The following API5 variants were observed in gnomAD, a reference collection of about 807,000 sequenced individuals.
API5 encodes FIF.
A neutral mutation model predicts 71.9 loss-of-function variants in API5; 6 were observed. The observed-to-expected ratio is 0.08, with a 90% CI of 0.05 to 0.16. API5 has a LOEUF of 0.16. Ranked by LOEUF, API5 falls within the 10% of genes least tolerant of loss-of-function variation. API5 has a pLI of 1.00. For missense variants in API5, 332 were observed against 612.8 expected (o/e 0.54, Z 4.84); for synonymous variants, 189 against 221.3 (o/e 0.85, Z 1.30).
chr11:43,335,797 G>A, intron 12 of API5, 61 bp from the exon 13 acceptor site: 1 of 1,511,156 alleles, frequency 6.6e-7, no homozygotes, highest in African/African-American at 1.4e-5. Flanking sequence ...AATTATAAAT[G>A]TATTGATAGC....
chr11:43,330,026 G>T lies in API5; in HGVS notation c.1189G>T (p.Gly397Cys), dbSNP rs778751728. ...YIRQLRLALQ[G>C]KTGEALKTEE... ...CAGACAACTTCGCTTAGCTCTCCAG[G>T]GTAAAACGGGTGAGGCCTTAAAAAC... The change falls in exon 10 of 14, where the codon GGT (glycine) becomes TGT (cysteine). Residue 397 changes from glycine (G) to cysteine (C), a missense_variant. By Grantham distance (159) the Gly-to-Cys change is radical. Transcript: ENST00000531273. 10 of 1,613,758 alleles carry T rather than the reference G, an allele frequency of 6.2e-6. No individual in the cohort carries two copies. The South Asian group carries it at 1.1e-4, about 18-fold the overall frequency.
At chr11:43,337,049 C>T (rs1855459951) in intron 13 of API5, among the ~76,000 whole-genome samples, 1 of 149,576 alleles carries the variant, frequency 6.7e-6, no homozygotes, top group Non-Finnish European at 1.5e-5. Context: ...TTTAGGCAGG[C>T]ATGGTAGCTC....
intron 6 of API5, among the ~76,000 whole-genome samples, chr11:43,325,972 C>T (rs566795086): frequency 6.6e-6 from 1 of 152,304 alleles, no homozygotes; most frequent in African/African-American, 2.4e-5. Flanking sequence ...CACCAGAGTT[C>T]TCCACCGCCA....
rs1239823017 is a variant in API5 at position 43,328,996 on chromosome 11, AC to A, written c.1127+107del. The A allele has an allele frequency of 5.1e-6, 6 of 1,170,794 alleles. No homozygotes were observed. The African/African-American group carries it at 6.2e-5, about 12-fold the overall frequency. 72.5% of individuals were successfully genotyped at this position (1,170,794 alleles called of 1,614,324 possible). On this transcript the variant is annotated intron_variant, in intron 9 of 13. Coordinates refer to ENST00000531273, the MANE Select transcript of API5 (RefSeq NM_001142930.2). Reference sequence around the variant, plus strand: ...CTATGAGAGCTCCCCATCCTGCCTTACCCCAGTGATACAGATTGGAGGGTTC... The same window carrying A: ...CTATGAGAGCTCCCCATCCTGCCTTACCCAGTGATACAGATTGGAGGGTTC...
chr11:43,322,219 G>A, intron 5 of API5, 83 bp downstream of exon 5: 1 of 1,320,132 alleles, frequency 7.6e-7, no homozygotes, highest in Non-Finnish European at 1.0e-6. Flanking sequence ...AATGTTATGT[G>A]TGGCTTGTGT....
At chr11:43,334,777 C>T (rs1338420308) in intron 11 of API5, among the ~76,000 whole-genome samples, 2 of 151,980 alleles carry the variant, frequency 1.3e-5, no homozygotes, top group African/African-American at 2.4e-5. Flanking sequence ...TCATAGGGCA[C>T]GGGGAAACAT....
intron 8 of API5, among the ~76,000 whole-genome samples, chr11:43,328,202 C>T (rs190508298): frequency 5.6e-4 from 86 of 152,294 alleles, no homozygotes; most frequent in African/African-American, 1.9e-3. Flanking sequence ...ATCTGGCACT[C>T]GTCCAGATGT....
Position 43,312,004 on chromosome 11 carries a change from C to A in API5, c.-124C>A. The A allele has an allele frequency of 1.8e-6, 2 of 1,104,294 alleles. No individual in the cohort carries two copies. The highest frequency in any genetic ancestry group is 2.6e-6 in the Non-Finnish European group (2 of 763,098). 68.4% of individuals were successfully genotyped at this position (1,104,294 alleles called of 1,614,324 possible). A position where few individuals can be genotyped will look rare whatever the true frequency, so the allele number is the denominator to read the frequency against. On this transcript the variant is annotated 5_prime_UTR_variant, in exon 1 of 14. Coordinates refer to ENST00000531273, the MANE Select transcript of API5 (RefSeq NM_001142930.2). ...CAGCCGCGCTGTGCGCGGTGACTGG[C>A]GGCTGCACTGGCGGCAGCTGGAGGT...
chr11:43,328,427 A>C (rs1000011936), intron 8 of API5, among the ~76,000 whole-genome samples: 18 of 152,268 alleles, frequency 1.2e-4, no homozygotes, highest in African/African-American at 4.3e-4. Flanking sequence ...GGTTACCCTA[A>C]CTCTCAGAGC....
At chr11:43,337,083 G>A (rs956998624) in intron 13 of API5, among the ~76,000 whole-genome samples, 11 of 151,584 alleles carry the variant, frequency 7.3e-5, no homozygotes, top group Admixed American at 2.0e-4. Flanking sequence ...CAACACTTTC[G>A]GAGGCCGAGG....
At chr11:43,335,242 T>TA in intron 11 of API5, 36 bp from the exon 12 acceptor site, 1 of 1,476,772 alleles carries the variant, frequency 6.8e-7, no homozygotes, top group Non-Finnish European at 9.5e-7. Flanking sequence ...CACCAACAAA[T>TA]ACATTAGAAT....
At position 43,327,893 on chromosome 11, in the gene API5, C is replaced by T. The variant is rs773111426; in HGVS notation, c.945+15C>T. The T allele has an allele frequency of 3.9e-6, 6 of 1,557,008 alleles. No homozygotes were observed. Among genetic ancestry groups the T allele is most frequent in the South Asian group, 1.1e-5 (1 of 88,454 alleles). On this transcript the variant is annotated intron_variant, in intron 8 of 13. Transcript: ENST00000531273. ...ATAAGTTATTGGTAAGAACTTTTTC[C>T]TTTCCTTATGGGATAGTCAGTATAT...
At chr11:43,321,037 A>G in intron 3 of API5, 123 bp downstream of exon 3, 1 of 732,162 alleles carries the variant, frequency 1.4e-6, no homozygotes, top group Non-Finnish European at 2.3e-6. Context: ...ATAGAGATTA[A>G]ATTTCCTACT....
chr11:43,335,218 C>A, intron 11 of API5, 60 bp from the exon 12 acceptor site: 1 of 1,236,826 alleles, frequency 8.1e-7, no homozygotes, highest in Non-Finnish European at 1.2e-6. Flanking sequence ...CCTACCCTCA[C>A]CACCACTCCC....
intron 10 of API5, 90 bp from the exon 11 acceptor site, chr11:43,330,418 G>A: frequency 1.1e-6 from 1 of 932,830 alleles, no homozygotes; most frequent in Non-Finnish European, 1.8e-6. Flanking sequence ...GATTCTGATA[G>A]AAGTGTAATT....
chr11:43,342,914 A>G lies in API5; in HGVS notation c.*404A>G, dbSNP rs2134394507. On this transcript the variant is annotated 3_prime_UTR_variant, in exon 14 of 14. Transcript: ENST00000531273. ...CTTCCCTCTTAGTTTTTTACCCAAT[A>G]TATGGAGAAGAGTAATGGTCAATCT... 4.3e-6 allele frequency: 2 copies of G among 461,332 alleles called. No homozygotes were observed. Among genetic ancestry groups the G allele is most frequent in the South Asian group, 6.5e-5 (2 of 30,806 alleles). The allele number at this position is 461,332 out of a possible 1,614,324, so 28.6% of individuals were successfully genotyped here.
intron 13 of API5, among the ~76,000 whole-genome samples, 170 bp from the exon 14 acceptor site, chr11:43,342,258 T>C (rs187140014): frequency 6.6e-6 from 1 of 152,314 alleles, no homozygotes; most frequent in East Asian, 1.9e-4. Context: ...TCAGTATATA[T>C]GTTGTTCTTG....
At position 43,330,700 on chromosome 11, in the gene API5, T is replaced by C. The variant is rs1448355468; in HGVS notation, c.1278+136T>C. The C allele has an allele frequency of 3.2e-5, 22 of 682,376 alleles. 1 individual carries two copies. In the South Asian group the frequency reaches 4.0e-4, roughly 12 times the overall value. The allele number at this position is 682,376 out of a possible 1,614,324, so 42.3% of individuals were successfully genotyped here. A position where few individuals can be genotyped will look rare whatever the true frequency, so the allele number is the denominator to read the frequency against. Reference sequence around the variant, plus strand: ...TTCTGGCTCAAAGCATTGAAACAGATAGATACAGTCTCAGAAATTTCAGCG... The same window carrying C: ...TTCTGGCTCAAAGCATTGAAACAGACAGATACAGTCTCAGAAATTTCAGCG... On this transcript the variant is annotated intron_variant, in intron 11 of 13. Transcript: ENST00000531273.
chr11:43,323,770 C>A, intron 6 of API5, 134 bp downstream of exon 6: 1 of 868,598 alleles, frequency 1.2e-6, no homozygotes, highest in Non-Finnish European at 1.7e-6. Flanking sequence ...GAAGTGTATT[C>A]AGATTTTTGA....
Sources: allele counts gnomAD v4.1 joint callset (sites outside exome capture counted in the v4.1 genomes callset), GRCh38; gene constraint gnomAD v4.1.1; transcripts MANE v1.5; gene names NCBI Gene and HGNC (gene_info 2026-07-23, HGNC 2026-07-21).